ATE1: variants seen among roughly 807,000 people sequenced by gnomAD.
ATE1 encodes arginyl-tRNA--protein transferase 1.
ATE1 carries 36 observed loss-of-function variants against 70.5 expected under a neutral mutation model. The ratio of observed to expected loss-of-function variants is 0.51; its 90% CI spans 0.39 to 0.67. The LOEUF (loss-of-function observed/expected upper bound fraction) is 0.67. Ranked by LOEUF, ATE1 falls within the 30% of genes least tolerant of loss-of-function variation. The pLI is 0.00. For synonymous variants in ATE1, 232 were observed against 219.3 expected (o/e 1.06, Z -0.51); for missense variants, 593 against 629.5 (o/e 0.94, Z 0.62).
At chr10:121,889,191 T>A (rs1950503291) in intron 7 of ATE1, among the ~76,000 whole-genome samples, 1 of 152,146 alleles carries the variant, frequency 6.6e-6, no homozygotes, top group Non-Finnish European at 1.5e-5. Flanking sequence ...ATTTCATCTA[T>A]CTGAACACTT....
intron 10 of ATE1, among the ~76,000 whole-genome samples, chr10:121,797,747 C>T (rs908542181): frequency 6.6e-6 from 1 of 152,168 alleles, no homozygotes; most frequent in African/African-American, 2.4e-5. Context: ...ACATGCTAGG[C>T]CTGCTCCCAC....
chr10:121,751,022 T>C (rs909723818), intron 11 of ATE1, among the ~76,000 whole-genome samples: 1 of 152,138 alleles, frequency 6.6e-6, no homozygotes. Flanking sequence ...CAGCATAAAA[T>C]AGCAAAAGAA....
chr10:121,837,472 C>A (rs926428740), intron 9 of ATE1, among the ~76,000 whole-genome samples: 3 of 152,092 alleles, frequency 2.0e-5, no homozygotes, highest in African/African-American at 4.8e-5. Flanking sequence ...AATCTTGGCA[C>A]AGAATTTCAT....
intron 1 of ATE1, 59 bp from the exon 2 acceptor site, chr10:121,924,388 C>A: frequency 6.6e-7 from 1 of 1,518,134 alleles, no homozygotes; most frequent in South Asian, 1.1e-5. Flanking sequence ...TTTTTAAATT[C>A]AAAGTGTGAG....
chr10:121,769,362 G>A (rs1420015048), intron 11 of ATE1, among the ~76,000 whole-genome samples: 1 of 152,094 alleles, frequency 6.6e-6, no homozygotes, highest in African/African-American at 2.4e-5. Flanking sequence ...TAAACTTATA[G>A]CTAAACTTCC....
intron 11 of ATE1, among the ~76,000 whole-genome samples, chr10:121,758,005 G>A (rs1944878289): frequency 1.3e-5 from 2 of 152,134 alleles, no homozygotes; most frequent in Non-Finnish European, 2.9e-5. Flanking sequence ...GACATGTTAA[G>A]AGATCCTTAC....
chr10:121,871,652 C>T (rs1049848314), intron 7 of ATE1, among the ~76,000 whole-genome samples: 1 of 151,800 alleles, frequency 6.6e-6, no homozygotes, highest in Non-Finnish European at 1.5e-5. Flanking sequence ...CTAACACATA[C>T]CAAAGCCATT....
At chr10:121,772,683 C>T (rs992880112) in intron 11 of ATE1, among the ~76,000 whole-genome samples, 1 of 152,182 alleles carries the variant, frequency 6.6e-6, no homozygotes. Flanking sequence ...TAAAGCTCAA[C>T]TGATGATTTG....
chr10:121,833,583 G>C (rs1284457020), intron 10 of ATE1, among the ~76,000 whole-genome samples: 1 of 151,534 alleles, frequency 6.6e-6, no homozygotes, highest in Non-Finnish European at 1.5e-5. Context: ...AGAGATTACT[G>C]GAGTTGAAAA....
intron 10 of ATE1, among the ~76,000 whole-genome samples, chr10:121,807,348 C>T (rs11593839): frequency 0.16 from 24,990 of 152,166 alleles, 2,664 homozygotes; most frequent in Middle Eastern, 0.24. Context: ...ATCAAACAAT[C>T]GCCATTACAT....
At chr10:121,884,038 A>G (rs7086485) in intron 7 of ATE1, among the ~76,000 whole-genome samples, 133,329 of 147,784 alleles carry the variant, frequency 0.9, 60,223 homozygotes, top group Middle Eastern at 0.96. Context: ...CCTCGGAGGC[A>G]GAGGTTGCAG....
At chr10:121,875,388 T>C (rs1315939300) in intron 7 of ATE1, among the ~76,000 whole-genome samples, 7 of 131,626 alleles carry the variant, frequency 5.3e-5, no homozygotes, top group Admixed American at 3.4e-4. Context: ...CACTGCAACC[T>C]CCGCCTCTCA....
intron 8 of ATE1, among the ~76,000 whole-genome samples, chr10:121,860,814 C>A (rs1198403136): frequency 5.9e-5 from 9 of 152,184 alleles, no homozygotes; most frequent in African/African-American, 9.7e-5. Context: ...TCCCGAACTT[C>A]TCAATTCTAC....
chr10:121,812,393 A>C (rs1947361119), intron 10 of ATE1, among the ~76,000 whole-genome samples: 1 of 152,176 alleles, frequency 6.6e-6, no homozygotes. Flanking sequence ...TTAAAAAATC[A>C]ATAAATGGCA....
intron 7 of ATE1, among the ~76,000 whole-genome samples, chr10:121,872,292 G>A (rs1310809412): frequency 1.3e-5 from 2 of 152,110 alleles, no homozygotes; most frequent in Non-Finnish European, 2.9e-5. Context: ...ATGTGTATAT[G>A]TCCCACATTT....
chr10:121,797,743 T>C (rs1946717013), intron 10 of ATE1, among the ~76,000 whole-genome samples: 1 of 152,184 alleles, frequency 6.6e-6, no homozygotes, highest in African/African-American at 2.4e-5. Flanking sequence ...TTGCACATGC[T>C]AGGCCTGCTC....
At chr10:121,893,183 A>T (rs903293896) in intron 7 of ATE1, among the ~76,000 whole-genome samples, 2 of 151,596 alleles carry the variant, frequency 1.3e-5, no homozygotes, top group Non-Finnish European at 2.9e-5. Flanking sequence ...AGGCTAAGGC[A>T]GGAGAATTGC....
At chr10:121,901,425 A>G (rs536965559) in intron 6 of ATE1, among the ~76,000 whole-genome samples, 1 of 152,338 alleles carries the variant, frequency 6.6e-6, no homozygotes, top group African/African-American at 2.4e-5. Flanking sequence ...TACTAATCAC[A>G]TATGAGAATA....
Position 121,742,615 on chromosome 10 carries a change from G to C in ATE1, c.*1065C>G, listed in dbSNP as rs1944184913. ...CAGGTGGGCAAAGGACTCAGCAAAA[G>C]AAAGTGAGGGAAGGAGGGGGCTGGC... On this transcript the variant is annotated 3_prime_UTR_variant, in exon 12 of 12. Transcript: ENST00000224652. The C allele has an allele frequency of 1.3e-5, 2 of 152,344 alleles. 1 individual carries two copies. The highest frequency in any genetic ancestry group is 1.3e-4 in the Admixed American group (2 of 15,292). The allele number at this position is 152,344 out of a possible 1,614,324, so 9.4% of individuals were successfully genotyped here.
Sources: allele counts gnomAD v4.1 joint callset (sites outside exome capture counted in the v4.1 genomes callset), GRCh38; gene constraint gnomAD v4.1.1; transcripts MANE v1.5; gene names NCBI Gene and HGNC (gene_info 2026-07-23, HGNC 2026-07-21).